Variants in RUNDC3B observed in about 807,000 individuals in gnomAD.
RUNDC3B encodes the protein RUN domain containing 3B.
A neutral mutation model predicts 58.4 loss-of-function variants in RUNDC3B; 33 were observed. The observed-to-expected ratio is 0.56, with a 90% CI of 0.43 to 0.75. The LOEUF is 0.75. Among genes scored for constraint, RUNDC3B ranks in the 30% least tolerant of loss-of-function variants. The pLI is 0.00. For synonymous variants in RUNDC3B, 193 were observed against 195.2 expected, an observed-to-expected ratio of 0.99 and a Z score of 0.10; for missense variants, 501 against 535.7, an observed-to-expected ratio of 0.94 and a Z score of 0.64.
At chr7:87,824,438 C>G (rs1837683610) in intron 10 of RUNDC3B, among the ~76,000 whole-genome samples, 1 of 152,216 alleles carries the variant, frequency 6.6e-6, no homozygotes, top group South Asian at 2.1e-4. Flanking sequence ...CATCCCCAGT[C>G]ACATGGAACT....
chr7:87,694,057 A>T, intron 2 of RUNDC3B: 1 of 1,550,194 alleles, frequency 6.5e-7, no homozygotes, highest in Non-Finnish European at 8.6e-7. Flanking sequence ...CTTTTTTAGT[A>T]CATTGCATGG....
chr7:87,637,820 A>AT (rs918346236), intron 1 of RUNDC3B, among the ~76,000 whole-genome samples: 34 of 151,062 alleles, frequency 2.3e-4, no homozygotes, highest in African/African-American at 8.0e-4. Context: ...TGCAGTTAAA[A>AT]TTTTTTTTTC....
chr7:87,658,565 A>G (rs1824359057), intron 2 of RUNDC3B, among the ~76,000 whole-genome samples: 1 of 152,218 alleles, frequency 6.6e-6, no homozygotes, highest in African/African-American at 2.4e-5. Flanking sequence ...AAAAATTCAA[A>G]TAAATTCATG....
At chr7:87,763,891 C>T (rs997346036) in intron 6 of RUNDC3B, among the ~76,000 whole-genome samples, 6 of 151,742 alleles carry the variant, frequency 4.0e-5, no homozygotes, top group East Asian at 3.9e-4. Context: ...TTGCAACATG[C>T]GTAGATGCCA....
intron 4 of RUNDC3B, among the ~76,000 whole-genome samples, chr7:87,715,541 ATATAT>A (rs2130763102): frequency 7.2e-6 from 1 of 138,162 alleles, no homozygotes; most frequent in South Asian, 2.1e-4. Context: ...TTAATATATA[ATATAT>A]TAATATAATA....
intron 1 of RUNDC3B, among the ~76,000 whole-genome samples, chr7:87,642,652 T>TG (rs1445866771): frequency 6.6e-6 from 1 of 152,000 alleles, no homozygotes; most frequent in Non-Finnish European, 1.5e-5. Flanking sequence ...TTATTATACT[T>TG]GAAGTTCTAG....
intron 6 of RUNDC3B, among the ~76,000 whole-genome samples, chr7:87,750,528 T>C (rs1196095151): frequency 2.0e-5 from 3 of 152,190 alleles, no homozygotes; most frequent in Non-Finnish European, 4.4e-5. Context: ...CTCCACATCC[T>C]CTCCAGCGCC....
At chr7:87,819,162 A>G (rs1056903756) in intron 10 of RUNDC3B, among the ~76,000 whole-genome samples, 1 of 152,196 alleles carries the variant, frequency 6.6e-6, no homozygotes, top group Non-Finnish European at 1.5e-5. Context: ...CTGATCAGCT[A>G]GTCCGACTGA....
At chr7:87,629,882 C>T (rs745461506) in intron 1 of RUNDC3B, among the ~76,000 whole-genome samples, 1 of 149,008 alleles carries the variant, frequency 6.7e-6, no homozygotes, top group Non-Finnish European at 1.5e-5. Context: ...GAGATAACGT[C>T]ATTGCACTCC....
chr7:87,807,577 G>C, intron 9 of RUNDC3B, 58 bp downstream of exon 9: 1 of 1,254,314 alleles, frequency 8.0e-7, no homozygotes, highest in East Asian at 2.3e-5. Context: ...AAAACATATG[G>C]CTATCTACTT....
intron 6 of RUNDC3B, among the ~76,000 whole-genome samples, chr7:87,761,807 G>C (rs1472949189): frequency 6.6e-6 from 1 of 151,666 alleles, no homozygotes; most frequent in Non-Finnish European, 1.5e-5. Flanking sequence ...ATTATGCCCT[G>C]GGGGAAAAGG....
intron 1 of RUNDC3B, among the ~76,000 whole-genome samples, chr7:87,648,556 A>G (rs1053684457): frequency 1.3e-5 from 2 of 152,220 alleles, no homozygotes; most frequent in South Asian, 2.1e-4. Flanking sequence ...GGCTTACACT[A>G]TATCTTAAGT....
chr7:87,750,873 C>T (rs968034752), intron 6 of RUNDC3B, among the ~76,000 whole-genome samples: 4 of 151,470 alleles, frequency 2.6e-5, no homozygotes, highest in Non-Finnish European at 5.9e-5. Context: ...TGCAGAAGCT[C>T]TTTAGTTTAA....
At chr7:87,778,357 C>A (rs1352141066) in intron 8 of RUNDC3B, among the ~76,000 whole-genome samples, 2 of 150,482 alleles carry the variant, frequency 1.3e-5, no homozygotes, top group South Asian at 4.2e-4. Context: ...GCAAGAGGAT[C>A]ACTTGAGTCC....
At chr7:87,756,100 A>G (rs1833356327) in intron 6 of RUNDC3B, among the ~76,000 whole-genome samples, 1 of 152,152 alleles carries the variant, frequency 6.6e-6, no homozygotes, top group South Asian at 2.1e-4. Context: ...AGTCAGTTAC[A>G]TACATATTAA....
intron 1 of RUNDC3B, among the ~76,000 whole-genome samples, chr7:87,642,480 AG>A (rs1479615282): frequency 1.3e-5 from 2 of 152,110 alleles, no homozygotes; most frequent in African/African-American, 4.8e-5. Flanking sequence ...AAGTATATAA[AG>A]TGTTCTTTAT....
At chr7:87,690,705 G>T (rs937671617) in intron 2 of RUNDC3B, among the ~76,000 whole-genome samples, 2 of 152,018 alleles carry the variant, frequency 1.3e-5, no homozygotes, top group Non-Finnish European at 2.9e-5. Flanking sequence ...TAAGCAACTC[G>T]CCTTAACAGT....
At chr7:87,706,254 T>G (rs1032243562) in intron 3 of RUNDC3B, among the ~76,000 whole-genome samples, 4 of 152,172 alleles carry the variant, frequency 2.6e-5, no homozygotes, top group African/African-American at 9.7e-5. Flanking sequence ...AGTCAGATAT[T>G]ATTCTCAGTG....
At position 87,739,781 on chromosome 7, in the gene RUNDC3B, C is replaced by A. The variant is rs759188535; in HGVS notation, c.459-10C>A. ...TAATATTTTATATATTCACCCATTT[C>A]ATTTTTTAGGAGATTTTATGAAGAT... On this transcript the variant is annotated splice_polypyrimidine_tract_variant and intron_variant, in intron 4 of 10. Coordinates refer to ENST00000394654, the MANE Select transcript of RUNDC3B (RefSeq NM_001134405.2). The A allele has an allele frequency of 7.1e-6, 10 of 1,412,454 alleles. No homozygotes were observed. The South Asian group carries it at 7.4e-5, about 10-fold the overall frequency. 87.5% of individuals were successfully genotyped at this position (1,412,454 alleles called of 1,614,324 possible).
Sources: allele counts gnomAD v4.1 joint callset (sites outside exome capture counted in the v4.1 genomes callset), GRCh38; gene constraint gnomAD v4.1.1; transcripts MANE v1.5; gene names NCBI Gene and HGNC (gene_info 2026-07-23, HGNC 2026-07-21).